Variants in SPATA6L observed in about 807,000 individuals in gnomAD.
SPATA6L encodes the protein spermatogenesis associated 6 like.
A neutral mutation model predicts 49.2 loss-of-function variants in SPATA6L; 68 were observed. The ratio of observed to expected loss-of-function variants is 1.38; its 90% CI spans 1.14 to 1.69. SPATA6L has a LOEUF of 1.69. Ranked by LOEUF, SPATA6L falls within the 40% of genes most tolerant of loss-of-function variation. The probability of loss-of-function intolerance (pLI) is 0.00; values close to 1 mark genes in which losing one functional copy is unlikely to be tolerated. For missense variants in SPATA6L, 668 were observed against 464.3 expected (o/e 1.44, Z -4.03); for synonymous variants, 198 against 165.7 (o/e 1.19, Z -1.50).
chr9:4,601,749 G>A (rs1823349875), intron 11 of SPATA6L, among the ~76,000 whole-genome samples: 1 of 152,222 alleles, frequency 6.6e-6, no homozygotes, highest in African/African-American at 2.4e-5. Context: ...GGGACACGTA[G>A]TGGGAGCCAC....
At chr9:4,605,264 T>C (rs1389191101) in intron 10 of SPATA6L, 83 bp downstream of exon 10, 2 of 1,031,164 alleles carry the variant, frequency 1.9e-6, no homozygotes, top group East Asian at 2.4e-5. Context: ...ATTTGATTAA[T>C]GTCTGTCTCC....
rs144046909 is a variant in SPATA6L, at chr9:4,604,138, A to G, written c.*1+41T>C. On this transcript the variant is annotated intron_variant, in intron 11 of 11. Coordinates refer to ENST00000682582, the MANE Select transcript of SPATA6L (RefSeq NM_001353486.2). ...TGAAATTCTTTTAGCAAACCAAGAT[A>G]AGGAGAAGCACTTAAGCTGCTTACT... 1.8e-3 allele frequency: 2,458 copies of G among 1,340,770 alleles called. 42 individuals are homozygous for G. The African/African-American group carries it at 0.032, about 17-fold the overall frequency. 83.1% of individuals were successfully genotyped at this position (1,340,770 alleles called of 1,614,324 possible). A position where few individuals can be genotyped will look rare whatever the true frequency, so the allele number is the denominator to read the frequency against.
chr9:4,658,607 C>T (rs1305026933), intron 2 of SPATA6L, among the ~76,000 whole-genome samples: 1 of 152,162 alleles, frequency 6.6e-6, no homozygotes, highest in Non-Finnish European at 1.5e-5. Flanking sequence ...CTCAGGCTCA[C>T]TCTTCTCTTT....
intron 3 of SPATA6L, among the ~76,000 whole-genome samples, chr9:4,643,773 A>C (rs12352901): frequency 6.6e-6 from 1 of 152,234 alleles, no homozygotes; most frequent in Admixed American, 6.5e-5. Flanking sequence ...GGGAGGCCGA[A>C]GCAGGCAGAT....
At chr9:4,653,190 C>G (rs1837318296) in intron 3 of SPATA6L, among the ~76,000 whole-genome samples, 1 of 152,048 alleles carries the variant, frequency 6.6e-6, no homozygotes, top group African/African-American at 2.4e-5. Flanking sequence ...GAACTGAGAC[C>G]CTAAAAGTAA....
At chr9:4,658,220 A>G (rs1838753056) in intron 2 of SPATA6L, among the ~76,000 whole-genome samples, 1 of 152,228 alleles carries the variant, frequency 6.6e-6, no homozygotes, top group Non-Finnish European at 1.5e-5. Context: ...TAATATATCC[A>G]TATCTAAGGA....
chr9:4,666,209 T>C lies in SPATA6L; in HGVS notation c.39+3A>G, dbSNP rs368847960. On this transcript the variant is annotated splice_donor_region_variant and intron_variant, in intron 1 of 11. Coordinates refer to ENST00000682582, the MANE Select transcript of SPATA6L (RefSeq NM_001353486.2). ...AAGGAGGGGGAGTTCATCGATCTCT[T>C]ACCGCCCGGATCTGCAGCTCCACCA... 1 of 1,614,128 alleles carries C rather than the reference T, an allele frequency of 6.2e-7. No homozygotes were observed. The highest frequency in any genetic ancestry group is 2.2e-5 in the East Asian group (1 of 44,884).
At position 4,666,286 on chromosome 9, in the gene SPATA6L, G is replaced by T. The variant is rs759406792; in HGVS notation, c.-36C>A. 1 of 1,613,052 alleles carries T rather than the reference G, an allele frequency of 6.2e-7. No homozygotes were observed. Among genetic ancestry groups the T allele is most frequent in the African/African-American group, 1.3e-5 (1 of 74,912 alleles). ...GTGGGCGAAAGGACTGGAATGAGAA[G>T]ATCCTTTTGTGCCGAGCCTTGGACC... On this transcript the variant is annotated 5_prime_UTR_variant, in exon 1 of 12. Coordinates refer to ENST00000682582, the MANE Select transcript of SPATA6L (RefSeq NM_001353486.2).
At chr9:4,633,409 C>A in intron 4 of SPATA6L, 1 of 154,792 alleles carries the variant, frequency 6.5e-6, no homozygotes, top group East Asian at 1.8e-4. Flanking sequence ...GTGACTGACA[C>A]TATGGTGCCT....
Position 4,661,999 on chromosome 9 carries a change from T to A in SPATA6L, c.77A>T (p.Asp26Val), listed in dbSNP as rs755389181. 1.9e-6 allele frequency: 3 copies of A among 1,614,002 alleles called. No individual in the cohort carries two copies. Among genetic ancestry groups the A allele is most frequent in the South Asian group, 1.1e-5 (1 of 91,076 alleles). Reference protein sequence around the residue: ...CPGVFLPGKQDVYLGVYLMNQ... With the variant: ...CPGVFLPGKQVVYLGVYLMNQ... Reference sequence around the variant, plus strand: ...CATGAGGTAGACCCCGAGGTACACATCTTGTTTGCCAGGCAGGAACACTCC... The same window carrying A: ...CATGAGGTAGACCCCGAGGTACACAACTTGTTTGCCAGGCAGGAACACTCC... The change falls in exon 2 of 12, where the codon GAT becomes GTT. Residue 26 changes from aspartate (D) to valine (V), a missense_variant. By Grantham distance (152) the Asp-to-Val change is radical. Transcript: ENST00000682582.
At chr9:4,632,982 G>A (rs1344473675) in intron 4 of SPATA6L, 1 of 152,208 alleles carries the variant, frequency 6.6e-6, no homozygotes, top group East Asian at 1.9e-4. Context: ...TACATTAACT[G>A]TTACTTGGTT....
At position 4,614,054 on chromosome 9, in the gene SPATA6L, A is replaced by G. The variant is rs112744747; in HGVS notation, c.995+3869T>C. 1.2e-3 allele frequency among the ~76,000 whole-genome samples: 181 copies of G among 152,314 alleles called. 1 individual carries two copies. The highest frequency in any genetic ancestry group is 4.2e-3 in the African/African-American group (173 of 41,566). ...TTACCATTATTGTTACATGCAATTT[A>G]TTTTACATTTGAAGATCTCAGAGAA... On this transcript the variant is annotated intron_variant, in intron 9 of 11. Coordinates refer to ENST00000682582, the MANE Select transcript of SPATA6L (RefSeq NM_001353486.2).
Position 4,653,377 on chromosome 9 carries a change from T to C in SPATA6L, c.226+2664A>G, listed in dbSNP as rs774639991. Reference sequence around the variant, plus strand: ...ATCAACACAGTATAAATCATCTAGATGTAAGAGCCAAAACTATAAAACCAT... The same window carrying C: ...ATCAACACAGTATAAATCATCTAGACGTAAGAGCCAAAACTATAAAACCAT... On this transcript the variant is annotated intron_variant, in intron 3 of 11. Coordinates refer to ENST00000682582, the MANE Select transcript of SPATA6L (RefSeq NM_001353486.2). 3.5e-4 allele frequency among the ~76,000 whole-genome samples: 53 copies of C among 152,322 alleles called. 1 individual carries two copies. Among genetic ancestry groups the C allele is most frequent in the Admixed American group, 2.6e-4 (4 of 15,298 alleles).
chr9:4,625,525 A>G lies in SPATA6L; in HGVS notation c.471T>C (p.His157=), dbSNP rs757379788. 1.2e-6 allele frequency: 2 copies of G among 1,612,588 alleles called. No homozygotes were observed. Among genetic ancestry groups the G allele is most frequent in the Admixed American group, 3.3e-5 (2 of 59,822 alleles). ...TAGTATTTAAGGGAAATATTGGTTC[A>G]TGTGATGTAGATAAAGGCCTCCGTG... ...HESRRPLSTS[H]EPIFPLNTIK... is the part of the protein sequence containing the mutation. The change falls in exon 6 of 12, where the codon CAT becomes CAC. Residue 157 remains histidine, a synonymous_variant. Transcript: ENST00000682582.
rs1428275494 is a variant in SPATA6L at position 4,662,770 on chromosome 9, C to T, written c.40-734G>A. ...AGCTCGTCGTGGGGCAGCGTGCGACCCCTTATGAAGCTGCTGGAGATCTCG... is the reference window on the plus strand; with the variant it reads ...AGCTCGTCGTGGGGCAGCGTGCGACTCCTTATGAAGCTGCTGGAGATCTCG... On this transcript the variant is annotated intron_variant, in intron 1 of 11. Coordinates refer to ENST00000682582, the MANE Select transcript of SPATA6L (RefSeq NM_001353486.2). The surrounding 1 kb of genome is among the most constrained non-coding windows in gnomAD (Gnocchi z 4.9). 2 of 1,605,090 alleles carry T rather than the reference C, an allele frequency of 1.2e-6. No individual in the cohort carries two copies. Among genetic ancestry groups the T allele is most frequent in the African/African-American group, 2.7e-5 (2 of 75,050 alleles).
chr9:4,625,731 T>C, intron 5 of SPATA6L, 165 bp from the exon 6 acceptor site: 1 of 494,416 alleles, frequency 2.0e-6, no homozygotes, highest in South Asian at 4.8e-5. Flanking sequence ...TCTAATTTTT[T>C]TCCTGTTCAG....
downstream of SPATA6L, among the ~76,000 whole-genome samples, chr9:4,597,528 C>T (rs539347104): frequency 5.0e-4 from 76 of 152,302 alleles, no homozygotes; most frequent in African/African-American, 1.7e-3. Context: ...TGTAAAAGCT[C>T]CTGTCCTAGA....
rs1206539690 is a variant in SPATA6L at position 4,666,400 on chromosome 9, A to C, written c.-150T>G. 1.3e-6 allele frequency: 1 copy of C among 778,414 alleles called. No homozygotes were observed. Among genetic ancestry groups the C allele is most frequent in the Non-Finnish European group, 2.2e-6 (1 of 457,144 alleles). 48.2% of individuals were successfully genotyped at this position (778,414 alleles called of 1,614,324 possible). On this transcript the variant is annotated 5_prime_UTR_variant, in exon 1 of 12. Transcript: ENST00000682582. Reference sequence around the variant, plus strand: ...CCCTTGTTCCCCTACCGTCCCCCCCAGCCCAGGTCCCTCCCACCGGGACGG... The same window carrying C: ...CCCTTGTTCCCCTACCGTCCCCCCCCGCCCAGGTCCCTCCCACCGGGACGG...
At position 4,662,289 on chromosome 9, in the gene SPATA6L, A is replaced by G. The variant is rs1007182315; in HGVS notation, c.40-253T>C. ...CGGCTCCTCTCCCCGCCCCTCCGGG[A>G]TGGTAGTGCGGAAGCGGAAGAGGCT... On this transcript the variant is annotated intron_variant, in intron 1 of 11. Coordinates refer to ENST00000682582, the MANE Select transcript of SPATA6L (RefSeq NM_001353486.2). This position sits in a 1 kb window ranked among gnomAD's most constrained non-coding sequence, Gnocchi z 4.9. 1.4e-6 allele frequency: 2 copies of G among 1,433,486 alleles called. No individual in the cohort carries two copies. The highest frequency in any genetic ancestry group is 2.9e-5 in the African/African-American group (2 of 69,396). The allele number at this position is 1,433,486 out of a possible 1,614,324, so 88.8% of individuals were successfully genotyped here.
Sources: gnomAD v4.1 joint callset for allele counts (sites outside exome capture counted in the v4.1 genomes callset) on GRCh38, gnomAD v4.1.1 for gene constraint, Gnocchi (gnomAD v3.1) non-coding constraint, MANE v1.5 for transcripts, NCBI Gene and HGNC (gene_info 2026-07-23, HGNC 2026-07-21) for gene names.